BCAS3: variants seen among roughly 807,000 people sequenced by gnomAD.
BCAS3 encodes BCAS3 microtubule associated cell migration factor.
Under a neutral mutation model 116.1 loss-of-function variants are expected in BCAS3, and 53 were observed. That is an observed-to-expected ratio of 0.46 (90% confidence interval 0.37 to 0.57). The LOEUF (loss-of-function observed/expected upper bound fraction) is 0.57, where lower values mean the gene tolerates loss of function less well. Among genes scored for constraint, BCAS3 ranks in the 20% least tolerant of loss-of-function variants. BCAS3 has a pLI of 0.00. For synonymous variants in BCAS3, 391 were observed against 408.2 expected, an observed-to-expected ratio of 0.96 and a Z score of 0.51; for missense variants, 917 against 1,165.4, an observed-to-expected ratio of 0.79 and a Z score of 3.10.
At chr17:60,973,143 A>C (rs927443482) in intron 14 of BCAS3, among the ~76,000 whole-genome samples, 1 of 152,010 alleles carries the variant, frequency 6.6e-6, no homozygotes, top group Non-Finnish European at 1.5e-5. Flanking sequence ...TCTTGGCTGA[A>C]TGATGTCTAT....
In BCAS3 at chr17:61,130,380, A is replaced by G. The variant is rs1005646407; in HGVS notation, c.2425+45816A>G. ...AATTCTCGTATCCAAAAGAACCACA[A>G]TACAACCCAAGACCCCAATCATTAG... On this transcript the variant is annotated intron_variant, in intron 22 of 23. Coordinates refer to ENST00000407086, the MANE Select transcript of BCAS3 (RefSeq NM_017679.5). This position sits in a 1 kb window ranked among gnomAD's most constrained non-coding sequence, Gnocchi z 5.0. 2.0e-5 allele frequency among the ~76,000 whole-genome samples: 3 copies of G among 152,266 alleles called. No individual in the cohort carries two copies. Among genetic ancestry groups the G allele is most frequent in the Non-Finnish European group, 2.9e-5 (2 of 68,026 alleles).
chr17:60,889,226 C>G (rs2056964125), intron 9 of BCAS3, among the ~76,000 whole-genome samples: 1 of 152,156 alleles, frequency 6.6e-6, no homozygotes. Context: ...TCTTCATTGG[C>G]CTCAGTGAGG....
At position 61,344,979 on chromosome 17, in the gene BCAS3, G is replaced by T. The variant is rs1033140543; in HGVS notation, c.2426-23348G>T. Among the ~76,000 whole-genome samples, 1 of 151,950 alleles carries T rather than the reference G, an allele frequency of 6.6e-6. No homozygotes were observed. The highest frequency in any genetic ancestry group is 1.5e-5 in the Non-Finnish European group (1 of 67,994). The stretch of plus-strand genomic sequence containing the variant: ...CCCCTCACAGAAAAATAGCCACTCT[G>T]TCCCTTCTCATGCGGAGGAAGCACA... On this transcript the variant is annotated intron_variant, in intron 22 of 23. Transcript: ENST00000407086. This position sits in a 1 kb window ranked among gnomAD's most constrained non-coding sequence, Gnocchi z 4.1.
chr17:60,933,004 A>G (rs1207147535), intron 13 of BCAS3, among the ~76,000 whole-genome samples: 2 of 151,886 alleles, frequency 1.3e-5, no homozygotes, highest in African/African-American at 4.8e-5. Flanking sequence ...GCGAAACCTC[A>G]TCTCTACTAA....
rs1226488895 is a variant in BCAS3, at chr17:60,960,594, G to C, written c.1221+13242G>C. 6.6e-6 allele frequency among the ~76,000 whole-genome samples: 1 copy of C among 152,006 alleles called. No homozygotes were observed. Among genetic ancestry groups the C allele is most frequent in the Non-Finnish European group, 1.5e-5 (1 of 68,022 alleles). Reference sequence around the variant, plus strand: ...TCCTGGACTGCGGCTTCATTTTCTGGGCCTGTGGCTCTGCCCATTCCTGCC... The same window carrying C: ...TCCTGGACTGCGGCTTCATTTTCTGCGCCTGTGGCTCTGCCCATTCCTGCC... On this transcript the variant is annotated intron_variant, in intron 14 of 23. Transcript: ENST00000407086. This position sits in a 1 kb window ranked among gnomAD's most constrained non-coding sequence, Gnocchi z 4.1.
At chr17:61,201,611 T>G (rs2080819056) in intron 22 of BCAS3, among the ~76,000 whole-genome samples, 1 of 152,168 alleles carries the variant, frequency 6.6e-6, no homozygotes, top group Non-Finnish European at 1.5e-5. Flanking sequence ...CTAGCGAGTT[T>G]GCTCAGGTTG....
intron 7 of BCAS3, among the ~76,000 whole-genome samples, chr17:60,853,866 T>C (rs1434476913): frequency 1.3e-5 from 2 of 152,242 alleles, no homozygotes; most frequent in Non-Finnish European, 2.9e-5. Context: ...TGCTGAATAA[T>C]ACTCCATTGA....
chr17:60,813,388 T>A (rs1408957957), intron 7 of BCAS3, among the ~76,000 whole-genome samples: 2 of 152,184 alleles, frequency 1.3e-5, no homozygotes, highest in Non-Finnish European at 2.9e-5. Context: ...GTATGCCACC[T>A]TGCCTGGCTA....
chr17:61,308,428 G>T (rs889857528), intron 22 of BCAS3, among the ~76,000 whole-genome samples: 1 of 149,962 alleles, frequency 6.7e-6, no homozygotes, highest in African/African-American at 2.5e-5. Flanking sequence ...AGCTAAAGTG[G>T]TTACCATGGG....
intron 22 of BCAS3, among the ~76,000 whole-genome samples, chr17:61,135,095 G>A (rs1378078305): frequency 6.6e-6 from 1 of 152,182 alleles, no homozygotes; most frequent in East Asian, 1.9e-4. Context: ...ACTGCGACGT[G>A]TGAAGTGCCC....
intron 22 of BCAS3, among the ~76,000 whole-genome samples, chr17:61,310,706 G>T (rs1292746893): frequency 2.0e-5 from 3 of 152,208 alleles, no homozygotes; most frequent in Non-Finnish European, 2.9e-5. Context: ...GAGACATGAA[G>T]GGGGGCAGGC....
Position 61,219,906 on chromosome 17 carries a change from TG to T in BCAS3, c.2425+135348del. ...GGGGTAGGAAAAACAAGGCAGGTTA[TG>T]GGGGGAGAGGAGTAGGGCAAGAAAG... On this transcript the variant is annotated intron_variant, in intron 22 of 23. Transcript: ENST00000407086. The surrounding 1 kb of genome is among the most constrained non-coding windows in gnomAD (Gnocchi z 5.2). 6.6e-6 allele frequency among the ~76,000 whole-genome samples: 1 copy of T among 152,174 alleles called. No homozygotes were observed. The highest frequency in any genetic ancestry group is 1.9e-4 in the East Asian group (1 of 5,182).
intron 22 of BCAS3, among the ~76,000 whole-genome samples, chr17:61,335,210 T>C (rs115953140): frequency 0.012 from 1,849 of 152,370 alleles, 43 homozygotes; most frequent in African/African-American, 0.042. Flanking sequence ...AGGCCTTGTG[T>C]GTGCTCTGTA....
chr17:61,210,258 A>AT (rs1188194808), intron 22 of BCAS3, among the ~76,000 whole-genome samples: 2 of 152,216 alleles, frequency 1.3e-5, no homozygotes. Context: ...TGTTAATGTC[A>AT]TCCTGTCATG....
At position 61,229,446 on chromosome 17, in the gene BCAS3, T is replaced by C. The variant is rs1257572192; in HGVS notation, c.2426-138881T>C. ...GGCTATGCTAAACAACAGATATCGA[T>C]GTAGACAGAACAGCCTTCTATTGGA... On this transcript the variant is annotated intron_variant, in intron 22 of 23. Coordinates refer to ENST00000407086, the MANE Select transcript of BCAS3 (RefSeq NM_017679.5). This position sits in a 1 kb window ranked among gnomAD's most constrained non-coding sequence, Gnocchi z 4.4. Among the ~76,000 whole-genome samples, 1 of 152,222 alleles carries C rather than the reference T, an allele frequency of 6.6e-6. No homozygotes were observed. The highest frequency in any genetic ancestry group is 2.4e-5 in the African/African-American group (1 of 41,454).
At position 61,203,359 on chromosome 17, in the gene BCAS3, T is replaced by C. The variant is rs1205261109; in HGVS notation, c.2425+118795T>C. Among the ~76,000 whole-genome samples the C allele has an allele frequency of 6.6e-6, 1 of 152,142 alleles. No homozygotes were observed. Among genetic ancestry groups the C allele is most frequent in the Non-Finnish European group, 1.5e-5 (1 of 68,022 alleles). On this transcript the variant is annotated intron_variant, in intron 22 of 23. Transcript: ENST00000407086. The surrounding 1 kb of genome is among the most constrained non-coding windows in gnomAD (Gnocchi z 5.7). ...TATTAGTAGAAACAGGGTTTCGCCA[T>C]GTTGGTCAGGCTGGTTTCAAACTCC...
chr17:61,187,181 C>G (rs1249440352), intron 22 of BCAS3, among the ~76,000 whole-genome samples: 1 of 152,166 alleles, frequency 6.6e-6, no homozygotes, highest in Non-Finnish European at 1.5e-5. Context: ...TAAACCAAGA[C>G]TGTAAGTGTT....
At chr17:61,025,529 C>T (rs941765000) in intron 16 of BCAS3, among the ~76,000 whole-genome samples, 1 of 151,932 alleles carries the variant, frequency 6.6e-6, no homozygotes, top group Non-Finnish European at 1.5e-5. Context: ...TTGTTTCTGT[C>T]TTGTTTGTGT....
intron 14 of BCAS3, among the ~76,000 whole-genome samples, chr17:60,971,997 C>G (rs2061990848): frequency 6.6e-6 from 1 of 152,172 alleles, no homozygotes; most frequent in Non-Finnish European, 1.5e-5. Context: ...CCTCTGAGTA[C>G]TTCAGCAGCC....
Sources: gnomAD v4.1 joint callset for allele counts (sites outside exome capture counted in the v4.1 genomes callset) on GRCh38, gnomAD v4.1.1 for gene constraint, Gnocchi (gnomAD v3.1) non-coding constraint, MANE v1.5 for transcripts, NCBI Gene and HGNC (gene_info 2026-07-23, HGNC 2026-07-21) for gene names.